The following TMC1 variants were observed in gnomAD, a reference collection of about 807,000 sequenced individuals.
The protein encoded by TMC1 is transmembrane channel-like protein 1.
In TMC1, 84 loss-of-function variants were observed where a neutral mutation model predicts 105.8. The observed-to-expected ratio is 0.79, with a 90% CI of 0.67 to 0.95. The LOEUF (loss-of-function observed/expected upper bound fraction) is 0.95. Ranked by LOEUF, TMC1 falls within the 40% of genes least tolerant of loss-of-function variation. TMC1 has a pLI of 0.00. For synonymous variants in TMC1, 315 were observed against 311.5 expected (o/e 1.01, Z -0.12); for missense variants, 817 against 914.1 (o/e 0.89, Z 1.37).
intron 8 of TMC1, among the ~76,000 whole-genome samples, chr9:72,722,593 G>A (rs915027393): frequency 5.9e-5 from 9 of 152,162 alleles, no homozygotes; most frequent in Non-Finnish European, 1.2e-4. Flanking sequence ...CTCAGGGCAC[G>A]AAACGTATCA....
intron 8 of TMC1, among the ~76,000 whole-genome samples, chr9:72,717,674 A>T (rs1016922006): frequency 7.2e-5 from 11 of 152,198 alleles, no homozygotes; most frequent in South Asian, 2.1e-4. Context: ...TGTTACTCTG[A>T]TAGATTTTCC....
rs1825127556 is a variant in TMC1 at position 72,616,372 on chromosome 9, T to C, written c.-301T>C. ...CTTCTACCTTTATAATTCCAGGCCA[T>C]GAAAGATCACTGTTTTAGTCTGCGT... On this transcript the variant is annotated 5_prime_UTR_variant, in exon 3 of 24. The change abolishes an upstream ATG in the 5' untranslated region. Coordinates refer to ENST00000297784, the MANE Select transcript of TMC1 (RefSeq NM_138691.3). 1 of 152,118 alleles carries C rather than the reference T, an allele frequency of 6.6e-6. No homozygotes were observed. Among genetic ancestry groups the C allele is most frequent in the Non-Finnish European group, 1.5e-5 (1 of 68,026 alleles). The allele number at this position is 152,118 out of a possible 1,614,324, so 9.4% of individuals were successfully genotyped here.
chr9:72,688,089 G>A (rs1289135919), intron 5 of TMC1, among the ~76,000 whole-genome samples: 6 of 151,916 alleles, frequency 3.9e-5, no homozygotes, highest in African/African-American at 1.5e-4. Context: ...AACAGAAAAA[G>A]TGTCCTTTGT....
intron 5 of TMC1, among the ~76,000 whole-genome samples, chr9:72,677,563 G>A (rs938957656): frequency 1.3e-5 from 2 of 152,042 alleles, no homozygotes; most frequent in Non-Finnish European, 2.9e-5. Context: ...CCAATACAGG[G>A]CACCCGGCCT....
At chr9:72,758,965 G>A (rs1035005323) in intron 12 of TMC1, among the ~76,000 whole-genome samples, 5 of 152,058 alleles carry the variant, frequency 3.3e-5, no homozygotes, top group African/African-American at 9.7e-5. Flanking sequence ...GAAATGGAAG[G>A]CACAGATATC....
intron 2 of TMC1, among the ~76,000 whole-genome samples, chr9:72,598,800 G>C (rs1284626800): frequency 6.6e-6 from 1 of 152,198 alleles, no homozygotes; most frequent in African/African-American, 2.4e-5. Context: ...TCTCATGGGA[G>C]GGGGAGGACT....
At chr9:72,589,393 T>A (rs887479131) in intron 2 of TMC1, among the ~76,000 whole-genome samples, 6 of 152,230 alleles carry the variant, frequency 3.9e-5, no homozygotes, top group African/African-American at 1.4e-4. Flanking sequence ...TATACATAAT[T>A]CATCTTGCCA....
chr9:72,639,859 T>G (rs192964874), intron 4 of TMC1, among the ~76,000 whole-genome samples: 7 of 152,328 alleles, frequency 4.6e-5, no homozygotes, highest in Non-Finnish European at 1.0e-4. Context: ...CATAGCTTTT[T>G]TCGTTGTTCA....
chr9:72,704,769 GA>G (rs1157758781), intron 8 of TMC1, among the ~76,000 whole-genome samples: 1 of 152,038 alleles, frequency 6.6e-6, no homozygotes, highest in Non-Finnish European at 1.5e-5. Context: ...TCTCTTGGTG[GA>G]AAGGCAGGTG....
chr9:72,820,975 A>G lies in TMC1; in HGVS notation c.1897A>G (p.Asn633Asp). ...EARVFKASRS[N>D]NFYLGMLLLI... ...CAGGGTCTTCAAAGCTTCCAGATCA[A>G]ATAACTTCTACCTGGGCATGCTACT... Residue 633 changes from asparagine to aspartate, a missense_variant, in exon 20 of 24, where the codon AAT becomes GAT. Physicochemically the swap from Asn to Asp is conservative, Grantham distance 23. Transcript: ENST00000297784. 4 of 1,614,138 alleles carry G rather than the reference A, an allele frequency of 2.5e-6. No homozygotes were observed. Among genetic ancestry groups the G allele is most frequent in the Non-Finnish European group, 3.4e-6 (4 of 1,180,026 alleles).
At chr9:72,560,955 G>A (rs1188988119) in intron 1 of TMC1, among the ~76,000 whole-genome samples, 1 of 152,070 alleles carries the variant, frequency 6.6e-6, no homozygotes, top group Non-Finnish European at 1.5e-5. Flanking sequence ...TATTTTCCCA[G>A]CATGTGACTA....
At chr9:72,527,122 A>G (rs1823419290) in intron 1 of TMC1, among the ~76,000 whole-genome samples, 1 of 152,204 alleles carries the variant, frequency 6.6e-6, no homozygotes, top group Non-Finnish European at 1.5e-5. Flanking sequence ...GAAGAAGGCT[A>G]GCCTTGAGCC....
At chr9:72,628,351 T>G (rs567221363) in intron 4 of TMC1, 1 of 208,918 alleles carries the variant, frequency 4.8e-6, no homozygotes, top group Non-Finnish European at 9.9e-6. Context: ...AACTGTATAG[T>G]TTTTATGACT....
intron 8 of TMC1, among the ~76,000 whole-genome samples, chr9:72,715,367 G>A (rs1826900057): frequency 6.6e-6 from 1 of 152,082 alleles, no homozygotes; most frequent in African/African-American, 2.4e-5. Context: ...TTCCAACTTG[G>A]TTCCATTCTC....
rs1824964155 is a variant in TMC1, at chr9:72,608,555, A to T, written c.-305-7813A>T. 2.0e-5 allele frequency among the ~76,000 whole-genome samples: 3 copies of T among 152,214 alleles called. No individual in the cohort carries two copies. The South Asian group carries it at 6.2e-4, about 32-fold the overall frequency. On this transcript the variant is annotated intron_variant, in intron 2 of 23. Coordinates refer to ENST00000297784, the MANE Select transcript of TMC1 (RefSeq NM_138691.3). Reference sequence around the variant, plus strand: ...AACCCCATCTCTACTAAAAATACAAAAAATAGCCAGGCTTGGTGGTGCGTG... The same window carrying T: ...AACCCCATCTCTACTAAAAATACAATAAATAGCCAGGCTTGGTGGTGCGTG...
chr9:72,813,775 T>G (rs778045307), intron 18 of TMC1, among the ~76,000 whole-genome samples: 2 of 152,246 alleles, frequency 1.3e-5, no homozygotes, highest in Admixed American at 6.5e-5. Flanking sequence ...AAACTAAGCC[T>G]AATGAGATAA....
At chr9:72,759,015 T>G (rs1458198996) in intron 12 of TMC1, among the ~76,000 whole-genome samples, 1 of 152,064 alleles carries the variant, frequency 6.6e-6, no homozygotes. Context: ...AAACAGGTAT[T>G]GGGTGACTAA....
chr9:72,806,423 A>G (rs1828589252), intron 18 of TMC1, among the ~76,000 whole-genome samples: 1 of 147,600 alleles, frequency 6.8e-6, no homozygotes, highest in Non-Finnish European at 1.5e-5. Flanking sequence ...TCCCTCCCGG[A>G]CGGGGTGGCT....
chr9:72,665,164 A>G (rs1826023104), intron 5 of TMC1, among the ~76,000 whole-genome samples: 1 of 152,170 alleles, frequency 6.6e-6, no homozygotes, highest in Non-Finnish European at 1.5e-5. Context: ...ACCTTTGTGT[A>G]TGTGGTCTGT....
Sources: allele counts gnomAD v4.1 joint callset (sites outside exome capture counted in the v4.1 genomes callset), GRCh38; gene constraint gnomAD v4.1.1; transcripts MANE v1.5; gene names NCBI Gene and HGNC (gene_info 2026-07-23, HGNC 2026-07-21).